Variants in LUZP1 observed in about 807,000 individuals in gnomAD.
LUZP1 encodes filamin mechanobinding actin cross-linking protein.
In LUZP1, 25 loss-of-function variants were observed where a neutral mutation model predicts 71.3. The observed-to-expected ratio is 0.35, with a 90% CI of 0.26 to 0.49. The LOEUF is 0.49. LUZP1 is among the 20% of genes least tolerant of loss of function. The probability of loss-of-function intolerance (pLI) is 0.99; values close to 1 mark genes in which losing one functional copy is unlikely to be tolerated. For missense variants in LUZP1, 1,142 were observed against 1,300.8 expected (o/e 0.88, Z 1.88); for synonymous variants, 481 against 506.4 (o/e 0.95, Z 0.67).
At chr1:23,110,028 A>G (rs1306005928) in intron 2 of LUZP1, among the ~76,000 whole-genome samples, 1 of 152,228 alleles carries the variant, frequency 6.6e-6, no homozygotes, top group African/African-American at 2.4e-5. Context: ...ATAAGAAGAT[A>G]ATGTTACCTC....
chr1:23,133,105 C>A (rs1246199721), intron 2 of LUZP1, among the ~76,000 whole-genome samples: 1 of 152,196 alleles, frequency 6.6e-6, no homozygotes, highest in African/African-American at 2.4e-5. Flanking sequence ...ATTTTGGAAG[C>A]CTGCTTCTAG....
exon 5 of LUZP1, chr1:23,088,608 CTT>C (rs1055384408): frequency 7.6e-5 from 24 of 317,486 alleles, no homozygotes; most frequent in Non-Finnish European, 1.4e-4. Context: ...TTTATCTTCC[CTT>C]GTTTGGGGGC....
At position 23,176,906 on chromosome 1, in the gene LUZP1, G is replaced by A. The variant is rs115526354; in HGVS notation, c.-485+585C>T. ...TTTTGTTTTTTGTTTTTTGAGACAG[G>A]GTCTGGCCTCTGTCACCCAGGCTGC... On this transcript the variant is annotated intron_variant, in intron 1 of 4. Transcript: ENST00000302291. Among the ~76,000 whole-genome samples, 901 of 152,098 alleles carry A rather than the reference G, an allele frequency of 5.9e-3. 4 individuals are homozygous for A. Among genetic ancestry groups the A allele is most frequent in the Middle Eastern group, 0.017 (5 of 294 alleles).
At chr1:23,152,407 G>T (rs971017104) in intron 2 of LUZP1, among the ~76,000 whole-genome samples, 1 of 152,040 alleles carries the variant, frequency 6.6e-6, no homozygotes, top group Non-Finnish European at 1.5e-5. Context: ...ACAAATAAAT[G>T]GAATTGAAAA....
At chr1:23,169,293 T>C (rs1275019467) in intron 1 of LUZP1, among the ~76,000 whole-genome samples, 3 of 152,172 alleles carry the variant, frequency 2.0e-5, no homozygotes, top group Non-Finnish European at 4.4e-5. Flanking sequence ...CAGTGAGCCG[T>C]GATCGTGCCA....
intron 2 of LUZP1, among the ~76,000 whole-genome samples, chr1:23,150,937 G>A (rs1306442616): frequency 1.3e-5 from 2 of 152,118 alleles, no homozygotes; most frequent in African/African-American, 2.4e-5. Context: ...TTTTAATAAC[G>A]ATTTGTTGTG....
intron 2 of LUZP1, among the ~76,000 whole-genome samples, chr1:23,117,724 A>C (rs1364455479): frequency 2.0e-5 from 3 of 152,208 alleles, no homozygotes; most frequent in South Asian, 4.2e-4. Context: ...TCTTGTAGCT[A>C]TAACTATGTC....
chr1:23,161,265 G>A (rs965940607), intron 2 of LUZP1, among the ~76,000 whole-genome samples: 1 of 152,174 alleles, frequency 6.6e-6, no homozygotes, highest in Non-Finnish European at 1.5e-5. Context: ...ATTGCAATAG[G>A]TGCTATGAAA....
At chr1:23,153,664 T>TTTGTG (rs1395969200) in intron 2 of LUZP1, among the ~76,000 whole-genome samples, 1 of 151,858 alleles carries the variant, frequency 6.6e-6, no homozygotes, top group Non-Finnish European at 1.5e-5. Flanking sequence ...CTTACCTGTT[T>TTTGTG]TTGTTTTGTT....
intron 2 of LUZP1, chr1:23,109,793 A>G (rs925997682): frequency 6.6e-6 from 1 of 152,156 alleles, no homozygotes; most frequent in Non-Finnish European, 1.5e-5. Flanking sequence ...CTGAAATCTA[A>G]AACACTTCTG....
rs1465695088 is a variant in LUZP1, at chr1:23,094,401, G to T, written c.-119-21C>A. On this transcript the variant is annotated intron_variant, in intron 3 of 4. Transcript: ENST00000302291. This position sits in a 1 kb window ranked among gnomAD's most constrained non-coding sequence, Gnocchi z 4.7. ...TCAATCTACAAAAGGAAAGTAGAAA[G>T]CATGTCAGTCAGCAAATGTAAAACC... 2 of 1,419,720 alleles carry T rather than the reference G, an allele frequency of 1.4e-6. No individual in the cohort carries two copies. The highest frequency in any genetic ancestry group is 1.8e-6 in the Non-Finnish European group (2 of 1,092,678). The allele number at this position is 1,419,720 out of a possible 1,614,324, so 87.9% of individuals were successfully genotyped here. A position where few individuals can be genotyped will look rare whatever the true frequency, so the allele number is the denominator to read the frequency against.
chr1:23,164,767 A>G (rs918619099), intron 2 of LUZP1, among the ~76,000 whole-genome samples: 2 of 152,222 alleles, frequency 1.3e-5, no homozygotes, highest in African/African-American at 2.4e-5. Flanking sequence ...TTAGAGATCA[A>G]CACTAAGGAT....
chr1:23,114,764 G>A (rs1252760392), intron 2 of LUZP1, among the ~76,000 whole-genome samples: 1 of 152,226 alleles, frequency 6.6e-6, no homozygotes, highest in African/African-American at 2.4e-5. Flanking sequence ...TCTAAGTGTA[G>A]AGAAACTTGG....
intron 2 of LUZP1, among the ~76,000 whole-genome samples, chr1:23,114,859 G>T (rs2124650435): frequency 6.6e-6 from 1 of 152,226 alleles, no homozygotes; most frequent in East Asian, 1.9e-4. Flanking sequence ...CACTTTCTGG[G>T]TCTCAGCTTC....
intron 2 of LUZP1, chr1:23,140,560 G>C (rs1644294416): frequency 6.6e-6 from 1 of 152,194 alleles, no homozygotes; most frequent in Non-Finnish European, 1.5e-5. Context: ...TCAGAGCCTG[G>C]TGCCAGCGCT....
At chr1:23,169,002 A>T (rs79130087) in exon 2 of LUZP1, 4 of 151,906 alleles carry the variant, frequency 2.6e-5, no homozygotes, top group Admixed American at 1.3e-4. Context: ...TTGCCTCCGT[A>T]GCTGGGTCCT....
intron 2 of LUZP1, among the ~76,000 whole-genome samples, chr1:23,110,371 G>A (rs1160476629): frequency 6.6e-6 from 1 of 152,184 alleles, no homozygotes; most frequent in Non-Finnish European, 1.5e-5. Flanking sequence ...GAAGATCTGG[G>A]TCAAACTTCT....
chr1:23,131,244 A>G (rs958880448), intron 2 of LUZP1, among the ~76,000 whole-genome samples: 4 of 151,060 alleles, frequency 2.6e-5, no homozygotes, highest in African/African-American at 9.7e-5. Context: ...AAAAAAAAAA[A>G]AAAGATCTTT....
rs530578059 is a variant in LUZP1 at position 23,092,323 on chromosome 1, G to A, written c.1939C>T (p.Arg647Ter). The A allele has an allele frequency of 6.2e-7, 1 of 1,614,090 alleles. No individual in the cohort carries two copies. The highest frequency in any genetic ancestry group is 8.5e-7 in the Non-Finnish European group (1 of 1,180,014). ...TCTCTGCCACTGGATTTGATGACTC[G>A]ACACCTCAAGGCTTCATGCGGACTG... The change falls in exon 4 of 5, where the codon CGA becomes TGA. Residue 647 changes from arginine to a stop codon, truncating the protein, a stop_gained. Transcript: ENST00000302291. LOFTEE classifies it high-confidence loss of function.
Sources: allele counts gnomAD v4.1 joint callset (sites outside exome capture counted in the v4.1 genomes callset), GRCh38; gene constraint gnomAD v4.1.1; non-coding constraint Gnocchi (gnomAD v3.1); transcripts MANE v1.5; gene names NCBI Gene and HGNC (gene_info 2026-07-23, HGNC 2026-07-21).